The following PTPRD variants were observed in gnomAD, a reference collection of about 807,000 sequenced individuals.
PTPRD encodes receptor-type tyrosine-protein phosphatase delta.
A neutral mutation model predicts 214.5 loss-of-function variants in PTPRD; 34 were observed. The ratio of observed to expected loss-of-function variants is 0.16; its 90% CI spans 0.12 to 0.21. The LOEUF (loss-of-function observed/expected upper bound fraction) is 0.21, where lower values mean the gene tolerates loss of function less well. Among genes scored for constraint, PTPRD ranks in the 10% least tolerant of loss-of-function variants. PTPRD has a pLI of 1.00. For missense variants in PTPRD, 2,545 were observed against 2,398.7 expected (o/e 1.06, Z -1.27); for synonymous variants, 1,128 against 845.7 (o/e 1.33, Z -5.79).
intron 10 of PTPRD, among the ~76,000 whole-genome samples, chr9:9,088,747 T>C (rs2099771319): frequency 6.6e-6 from 1 of 152,070 alleles, no homozygotes; most frequent in South Asian, 2.1e-4. Flanking sequence ...AAAGGTTTTC[T>C]TAGTATTTGT....
intron 8 of PTPRD, among the ~76,000 whole-genome samples, chr9:9,460,240 T>C (rs2093515781): frequency 6.6e-6 from 1 of 152,120 alleles, no homozygotes; most frequent in Non-Finnish European, 1.5e-5. Flanking sequence ...TTAAAAATCC[T>C]AGAATAAAAC....
intron 9 of PTPRD, among the ~76,000 whole-genome samples, chr9:9,380,593 A>T (rs1453656971): frequency 2.0e-5 from 3 of 152,158 alleles, no homozygotes; most frequent in African/African-American, 7.2e-5. Context: ...CGTGTGTTTC[A>T]CAGCTTAGAA....
At chr9:10,308,001 C>A (rs2096139817) in intron 3 of PTPRD, among the ~76,000 whole-genome samples, 1 of 151,842 alleles carries the variant, frequency 6.6e-6, no homozygotes, top group Non-Finnish European at 1.5e-5. Flanking sequence ...AATATTTTTT[C>A]TCATTCAACA....
intron 4 of PTPRD, among the ~76,000 whole-genome samples, chr9:9,985,379 C>G (rs1375489404): frequency 6.6e-6 from 1 of 151,986 alleles, no homozygotes; most frequent in African/African-American, 2.4e-5. Flanking sequence ...TTTTTTAGAC[C>G]TCTCCATTCT....
rs12554722 is a variant in PTPRD at position 9,710,926 on chromosome 9, C to A, written c.-287+23607G>T. Among the ~76,000 whole-genome samples the A allele has an allele frequency of 0.028, 4,211 of 152,152 alleles. 435 individuals carry two copies. In the East Asian group the frequency reaches 0.36, roughly 13 times the overall value. ...AATTTGCATGTTCTCTCCAGGTGAA[C>A]TGGCACATCTAAATGGTCCTAGTCT... On this transcript the variant is annotated intron_variant, in intron 7 of 45. Coordinates refer to ENST00000381196, the MANE Select transcript of PTPRD (RefSeq NM_002839.4).
chr9:9,855,722 C>T (rs1323654979), intron 5 of PTPRD, among the ~76,000 whole-genome samples: 2 of 152,144 alleles, frequency 1.3e-5, no homozygotes, highest in Non-Finnish European at 2.9e-5. Flanking sequence ...GGTGCAGGAG[C>T]CAGGGCGAAC....
intron 10 of PTPRD, among the ~76,000 whole-genome samples, chr9:9,115,606 A>C (rs2099811676): frequency 6.6e-6 from 1 of 152,186 alleles, no homozygotes; most frequent in African/African-American, 2.4e-5. Flanking sequence ...TCTATCATTC[A>C]ATCTAGCAAT....
At chr9:9,807,821 A>T (rs1433943654) in intron 5 of PTPRD, among the ~76,000 whole-genome samples, 1 of 152,186 alleles carries the variant, frequency 6.6e-6, no homozygotes, top group East Asian at 1.9e-4. Context: ...TTGGCTGAAG[A>T]TTCATTGGAA....
chr9:9,812,847 C>T (rs987912682), intron 5 of PTPRD, among the ~76,000 whole-genome samples: 9 of 151,958 alleles, frequency 5.9e-5, no homozygotes, highest in Non-Finnish European at 1.3e-4. Flanking sequence ...CTCAAGTGTA[C>T]GCAGAATATT....
At chr9:8,587,650 A>G (rs1227483018) in intron 14 of PTPRD, among the ~76,000 whole-genome samples, 2 of 152,334 alleles carry the variant, frequency 1.3e-5, no homozygotes, top group East Asian at 3.9e-4. Flanking sequence ...CTTATATCCC[A>G]AAAGGAAAAT....
At chr9:10,154,238 T>C (rs72696933) in intron 3 of PTPRD, among the ~76,000 whole-genome samples, 19,176 of 152,236 alleles carry the variant, frequency 0.13, 1,519 homozygotes, top group South Asian at 0.21. Flanking sequence ...GCTGAGCTTT[T>C]TTTATATGGT....
chr9:9,368,610 C>T (rs2058542746), intron 9 of PTPRD, among the ~76,000 whole-genome samples: 2 of 151,756 alleles, frequency 1.3e-5, no homozygotes, highest in South Asian at 4.1e-4. Flanking sequence ...TCTTAAATGT[C>T]CCACTCTTAG....
intron 2 of PTPRD, among the ~76,000 whole-genome samples, chr9:10,562,857 T>C (rs1225318901): frequency 2.0e-5 from 3 of 152,138 alleles, no homozygotes; most frequent in Non-Finnish European, 4.4e-5. Context: ...AGATACTTGA[T>C]TTATATCATG....
intron 4 of PTPRD, among the ~76,000 whole-genome samples, chr9:9,976,949 G>T (rs1284969347): frequency 6.6e-6 from 1 of 152,120 alleles, no homozygotes; most frequent in Non-Finnish European, 1.5e-5. Context: ...TGTTGAATTA[G>T]GATATTTTTC....
chr9:8,326,269 G>C (rs1052383498), intron 44 of PTPRD, among the ~76,000 whole-genome samples: 1 of 152,054 alleles, frequency 6.6e-6, no homozygotes, highest in Non-Finnish European at 1.5e-5. Flanking sequence ...TTTGAGAGTT[G>C]TTAGCATAAA....
chr9:8,557,801 CACACACATAT>C lies in PTPRD; in HGVS notation c.353-29032_353-29023del, dbSNP rs1481755427. Among the ~76,000 whole-genome samples the C allele has an allele frequency of 3.6e-3, 509 of 140,474 alleles. 5 individuals carry two copies. Among genetic ancestry groups the C allele is most frequent in the African/African-American group, 0.013 (496 of 37,164 alleles). The allele number at this position is 140,474 out of a possible 152,430, so 92.2% of individuals were successfully genotyped here. ...AAATACACACACACACACACACACA[CACACACATAT>C]ATACACACACACATATGCATATATG... On this transcript the variant is annotated intron_variant, in intron 14 of 45. Coordinates refer to ENST00000381196, the MANE Select transcript of PTPRD (RefSeq NM_002839.4).
At chr9:9,791,287 T>C (rs1271771003) in intron 5 of PTPRD, among the ~76,000 whole-genome samples, 1 of 152,194 alleles carries the variant, frequency 6.6e-6, no homozygotes, top group African/African-American at 2.4e-5. Flanking sequence ...AATTATTTGT[T>C]AACTGCACAC....
At chr9:10,564,168 A>ATTTTTTTTTTTT (rs1591017043) in intron 2 of PTPRD, among the ~76,000 whole-genome samples, 11 of 11,870 alleles carry the variant, frequency 9.3e-4, no homozygotes, top group South Asian at 5.1e-3. Context: ...ACACTAGGCT[A>ATTTTTTTTTTTT]TTCTTTTTTT....
intron 3 of PTPRD, among the ~76,000 whole-genome samples, chr9:10,316,432 C>T (rs2096435002): frequency 1.3e-5 from 2 of 151,578 alleles, no homozygotes; most frequent in Non-Finnish European, 2.9e-5. Flanking sequence ...CAGAATAGTC[C>T]TTGCATGAGT....
Sources: gnomAD v4.1 joint callset for allele counts (sites outside exome capture counted in the v4.1 genomes callset) on GRCh38, gnomAD v4.1.1 for gene constraint, MANE v1.5 for transcripts, NCBI Gene and HGNC (gene_info 2026-07-23, HGNC 2026-07-21) for gene names.